DIS3L2: variants seen among roughly 807,000 people sequenced by gnomAD.
DIS3L2 encodes DIS3-like exonuclease 2.
DIS3L2 carries 34 observed loss-of-function variants against 97.5 expected under a neutral mutation model. That is an observed-to-expected ratio of 0.35 (90% CI 0.27 to 0.46). DIS3L2 has a LOEUF of 0.46. DIS3L2 is among the 20% of genes least tolerant of loss of function. The pLI is 1.00. For missense variants in DIS3L2, 1,038 were observed against 1,146.0 expected (o/e 0.91, Z 1.36); for synonymous variants, 435 against 445.2 (o/e 0.98, Z 0.29).
chr2:232,127,184 G>T (rs1698086197), intron 6 of DIS3L2, among the ~76,000 whole-genome samples: 3 of 152,156 alleles, frequency 2.0e-5, no homozygotes, highest in Admixed American at 2.0e-4. Flanking sequence ...TACAGCCCAG[G>T]TCTGTTTTCT....
intron 11 of DIS3L2, among the ~76,000 whole-genome samples, chr2:232,247,947 G>A (rs1334008889): frequency 6.6e-6 from 1 of 152,180 alleles, no homozygotes; most frequent in Non-Finnish European, 1.5e-5. Flanking sequence ...TGTTAGCGAA[G>A]GCTGGTAGGA....
chr2:232,108,445 ATTC>A (rs1697422159), intron 6 of DIS3L2, among the ~76,000 whole-genome samples: 1 of 152,232 alleles, frequency 6.6e-6, no homozygotes, highest in Non-Finnish European at 1.5e-5. Context: ...AGCTGGAAGC[ATTC>A]TTCTTGAAAA....
chr2:232,096,986 A>G (rs1697039187), intron 6 of DIS3L2, among the ~76,000 whole-genome samples: 1 of 152,114 alleles, frequency 6.6e-6, no homozygotes. Context: ...GTGGTTGTTC[A>G]TCGGTGTCTG....
chr2:232,276,030 T>C lies in DIS3L2; in HGVS notation c.1659+12590T>C, dbSNP rs1488092474. On this transcript the variant is annotated intron_variant, in intron 13 of 20. Transcript: ENST00000325385. This position sits in a 1 kb window ranked among gnomAD's most constrained non-coding sequence, Gnocchi z 4.4. ...TGCTAAAAACAAATTAGAAATTATT[T>C]AATTGCTCCTTGAATCGTGACCTCC... Among the ~76,000 whole-genome samples, 2 of 152,246 alleles carry C rather than the reference T, an allele frequency of 1.3e-5. No homozygotes were observed. Among genetic ancestry groups the C allele is most frequent in the African/African-American group, 4.8e-5 (2 of 41,464 alleles).
At chr2:232,241,331 A>AG (rs1476926675) in intron 11 of DIS3L2, among the ~76,000 whole-genome samples, 2 of 152,234 alleles carry the variant, frequency 1.3e-5, no homozygotes, top group African/African-American at 4.8e-5. Flanking sequence ...ACACAGGGGA[A>AG]GGGGGGCTGG....
chr2:232,148,831 T>G (rs559387789), intron 8 of DIS3L2, among the ~76,000 whole-genome samples: 251 of 149,036 alleles, frequency 1.7e-3, no homozygotes, highest in Non-Finnish European at 3.1e-3. Flanking sequence ...AATAATTTCT[T>G]TCCTTTGTAG....
chr2:232,078,521 CTT>C (rs1237790821), intron 5 of DIS3L2, among the ~76,000 whole-genome samples: 1 of 152,202 alleles, frequency 6.6e-6, no homozygotes, highest in Non-Finnish European at 1.5e-5. Flanking sequence ...AAGCCTCTTA[CTT>C]TACAGAGTCA....
intron 12 of DIS3L2, among the ~76,000 whole-genome samples, chr2:232,256,718 TTC>T (rs761864403): frequency 2.8e-4 from 42 of 152,160 alleles, no homozygotes; most frequent in Non-Finnish European, 4.7e-4. Flanking sequence ...ACATCAAAAT[TTC>T]TCTCTGCCTT....
Position 232,216,406 on chromosome 2 carries a change from T to C in DIS3L2, c.1204+6001T>C, listed in dbSNP as rs899864720. On this transcript the variant is annotated intron_variant, in intron 10 of 20. Coordinates refer to ENST00000325385, the MANE Select transcript of DIS3L2 (RefSeq NM_152383.5). ...CTTTCACTGCCCAGCCCTTCAGGCATCAGTGCCCCTCTCATGCTCTACAAC... is the reference window on the plus strand; with the variant it reads ...CTTTCACTGCCCAGCCCTTCAGGCACCAGTGCCCCTCTCATGCTCTACAAC... Among the ~76,000 whole-genome samples the C allele has an allele frequency of 3.3e-5, 5 of 152,338 alleles. No homozygotes were observed. The South Asian group carries it at 1.0e-3, about 32-fold the overall frequency.
Position 232,162,231 on chromosome 2 carries a change from G to A in DIS3L2, c.951-1228G>A, listed in dbSNP as rs1690674063. ...TTTATGGGAGAGACCACCCATTTGTGGAGAAAGTACTCTTCTGAGTCCACA... is the reference window on the plus strand; with the variant it reads ...TTTATGGGAGAGACCACCCATTTGTAGAGAAAGTACTCTTCTGAGTCCACA... On this transcript the variant is annotated intron_variant, in intron 8 of 20. Transcript: ENST00000325385. 3.9e-5 allele frequency among the ~76,000 whole-genome samples: 6 copies of A among 152,082 alleles called. No individual in the cohort carries two copies. In the South Asian group the frequency reaches 1.2e-3, roughly 32 times the overall value.
chr2:232,201,686 G>A (rs895020489), intron 9 of DIS3L2, among the ~76,000 whole-genome samples: 4 of 152,210 alleles, frequency 2.6e-5, no homozygotes, highest in Admixed American at 6.5e-5. Flanking sequence ...TGGTGTTAGT[G>A]TTGTGGTTCT....
chr2:232,289,581 G>T lies in DIS3L2; in HGVS notation c.1660-10459G>T, dbSNP rs1376893349. On this transcript the variant is annotated intron_variant, in intron 13 of 20. Coordinates refer to ENST00000325385, the MANE Select transcript of DIS3L2 (RefSeq NM_152383.5). Reference sequence around the variant, plus strand: ...AGCCACCGCGCCCAGCCAGGAAAGAGATTTTATAAGGCTATTTCTTAAGAC... The same window carrying T: ...AGCCACCGCGCCCAGCCAGGAAAGATATTTTATAAGGCTATTTCTTAAGAC... Among the ~76,000 whole-genome samples, 2 of 152,160 alleles carry T rather than the reference G, an allele frequency of 1.3e-5. 1 individual carries two copies. The highest frequency in any genetic ancestry group is 4.8e-5 in the African/African-American group (2 of 41,450).
In DIS3L2 at chr2:232,330,765, C is replaced by T. The variant is rs1240243170; in HGVS notation, c.1999C>T (p.Arg667Trp). ...GGAGGTGCTCACCAACATGTGCTCCCGGCCCATGCAGGTAAGGAGGGCCCA... is the reference window on the plus strand; with the variant it reads ...GGAGGTGCTCACCAACATGTGCTCCTGGCCCATGCAGGTAAGGAGGGCCCA... ...RKEVLTNMCS[R>W]PMQMALYFCS... Residue 667 changes from arginine (R) to tryptophan (W), a missense_variant, in exon 16 of 21, where the codon CGG becomes TGG. Transcript: ENST00000325385. 2.5e-6 allele frequency: 4 copies of T among 1,611,500 alleles called. No individual in the cohort carries two copies. The highest frequency in any genetic ancestry group is 1.3e-5 in the African/African-American group (1 of 74,954).
chr2:232,083,215 A>T (rs898826569), intron 5 of DIS3L2, among the ~76,000 whole-genome samples: 1 of 151,924 alleles, frequency 6.6e-6, no homozygotes, highest in African/African-American at 2.4e-5. Flanking sequence ...CTTCGTATGC[A>T]TGAGCCAAAG....
intron 16 of DIS3L2, 80 bp from the exon 17 acceptor site, chr2:232,333,760 A>T: frequency 2.1e-4 from 295 of 1,416,962 alleles, no homozygotes; most frequent in Admixed American, 1.4e-3. Flanking sequence ...GCCGACGGTG[A>T]GGCTGTGGGT....
intron 1 of DIS3L2, among the ~76,000 whole-genome samples, chr2:232,007,989 ATATGT>A (rs1553600713): frequency 6.6e-6 from 1 of 151,958 alleles, no homozygotes; most frequent in Non-Finnish European, 1.5e-5. Context: ...TTTACTTGTT[ATATGT>A]CTATTCAGAT....
At chr2:232,095,080 C>G (rs1696966907) in intron 6 of DIS3L2, among the ~76,000 whole-genome samples, 1 of 152,084 alleles carries the variant, frequency 6.6e-6, no homozygotes, top group Non-Finnish European at 1.5e-5. Context: ...GGCAGCAGAT[C>G]ATTGCATCTT....
At chr2:232,038,957 T>C (rs1695030878) in intron 5 of DIS3L2, among the ~76,000 whole-genome samples, 1 of 152,254 alleles carries the variant, frequency 6.6e-6, no homozygotes, top group Non-Finnish European at 1.5e-5. Context: ...CAAACTGTTA[T>C]CTGTTTAACT....
chr2:232,032,808 T>G (rs1694836946), intron 5 of DIS3L2, among the ~76,000 whole-genome samples: 1 of 152,158 alleles, frequency 6.6e-6, no homozygotes, highest in South Asian at 2.1e-4. Flanking sequence ...TGTAGATGTG[T>G]GGTGTTATTT....
Sources: allele counts gnomAD v4.1 joint callset (sites outside exome capture counted in the v4.1 genomes callset), GRCh38; gene constraint gnomAD v4.1.1; non-coding constraint Gnocchi (gnomAD v3.1); transcripts MANE v1.5; gene names NCBI Gene and HGNC (gene_info 2026-07-23, HGNC 2026-07-21).